The following GALNT18 variants were observed in gnomAD, a reference collection of about 807,000 sequenced individuals.
GALNT18 encodes GalNAc-transferase 18.
A neutral mutation model predicts 69.5 loss-of-function variants in GALNT18; 44 were observed. The observed-to-expected ratio is 0.63, with a 90% confidence interval of 0.50 to 0.81. The LOEUF is 0.81. Among genes scored for constraint, GALNT18 ranks in the 40% least tolerant of loss-of-function variants. GALNT18 has a pLI of 0.00. For synonymous variants in GALNT18, 364 were observed against 318.2 expected (o/e 1.14, Z -1.53); for missense variants, 715 against 810.0 (o/e 0.88, Z 1.42).
At chr11:11,594,688 T>C (rs570722707) in intron 1 of GALNT18, among the ~76,000 whole-genome samples, 2 of 152,106 alleles carry the variant, frequency 1.3e-5, no homozygotes, top group South Asian at 2.1e-4. Flanking sequence ...AGATATACCA[T>C]ATTTGTTTAT....
intron 1 of GALNT18, among the ~76,000 whole-genome samples, chr11:11,520,823 C>T (rs1857379728): frequency 6.6e-6 from 1 of 152,192 alleles, no homozygotes; most frequent in Non-Finnish European, 1.5e-5. Flanking sequence ...GGGCGTGGGC[C>T]AGGCAAGGCA....
intron 6 of GALNT18, among the ~76,000 whole-genome samples, chr11:11,364,652 T>A (rs4910327): frequency 0.24 from 36,001 of 152,048 alleles, 4,889 homozygotes; most frequent in Middle Eastern, 0.32. Context: ...AAATTGTATA[T>A]CAAAACAAAA....
At chr11:11,399,484 A>G (rs571234307) in intron 3 of GALNT18, among the ~76,000 whole-genome samples, 2 of 152,340 alleles carry the variant, frequency 1.3e-5, no homozygotes, top group East Asian at 3.9e-4. Flanking sequence ...TTATCAGAAC[A>G]AGTCAATAAA....
intron 1 of GALNT18, among the ~76,000 whole-genome samples, chr11:11,488,652 C>G (rs1407555249): frequency 6.6e-6 from 1 of 152,086 alleles, no homozygotes; most frequent in East Asian, 1.9e-4. Flanking sequence ...GTATTTGGTT[C>G]CAAATCCTTG....
rs77103651 is a variant in GALNT18 at position 11,456,105 on chromosome 11, G to A, written c.236-7169C>T. ...AACAAAAGAAACAAACCACAGAGTG[G>A]CAAAGTGCATTATTTGGGGTCCAAC... On this transcript the variant is annotated intron_variant, in intron 1 of 10. Transcript: ENST00000227756. Among the ~76,000 whole-genome samples the A allele has an allele frequency of 6.4e-3, 978 of 152,104 alleles. 14 individuals carry two copies. The highest frequency in any genetic ancestry group is 0.023 in the African/African-American group (938 of 41,408).
rs149151114 is a variant in GALNT18 at position 11,621,266 on chromosome 11, G to A, written c.235+93C>T. 5.8e-3 allele frequency: 5,914 copies of A among 1,025,092 alleles called. 29 individuals are homozygous for A. Among genetic ancestry groups the A allele is most frequent in the Non-Finnish European group, 7.1e-3 (4,849 of 682,426 alleles). 63.5% of individuals were successfully genotyped at this position (1,025,092 alleles called of 1,614,324 possible). Reference sequence around the variant, plus strand: ...TCTGCGGCCCCAGAGCCCCGCCGTGGCTGAGTTGATGCGCACCAGCCCCAG... The same window carrying A: ...TCTGCGGCCCCAGAGCCCCGCCGTGACTGAGTTGATGCGCACCAGCCCCAG... On this transcript the variant is annotated intron_variant, in intron 1 of 10. Transcript: ENST00000227756. The surrounding 1 kb of genome is among the most constrained non-coding windows in gnomAD (Gnocchi z 9.3).
rs1242852483 is a variant in GALNT18, at chr11:11,341,434, G to T, written c.1093-430C>A. ...CCCAGCAGAGACTTCCTCTTCAAAT[G>T]GACCACATGGGCCTGGACAAGAATT... On this transcript the variant is annotated intron_variant, in intron 6 of 10. Transcript: ENST00000227756. The surrounding 1 kb of genome is among the most constrained non-coding windows in gnomAD (Gnocchi z 6.3). Among the ~76,000 whole-genome samples, 1 of 152,076 alleles carries T rather than the reference G, an allele frequency of 6.6e-6. No individual in the cohort carries two copies. Among genetic ancestry groups the T allele is most frequent in the African/African-American group, 2.4e-5 (1 of 41,410 alleles).
chr11:11,283,744 AAC>A (rs1303361110), intron 10 of GALNT18, among the ~76,000 whole-genome samples: 3 of 152,298 alleles, frequency 2.0e-5, no homozygotes, highest in Non-Finnish European at 2.9e-5. Flanking sequence ...ATAATCTGGA[AAC>A]ACACAATACT....
chr11:11,284,848 T>A (rs1417442915), intron 10 of GALNT18, among the ~76,000 whole-genome samples: 3 of 150,294 alleles, frequency 2.0e-5, no homozygotes, highest in African/African-American at 7.4e-5. Context: ...TTTGGTAGAG[T>A]TAAGTGGTCT....
rs2133005421 is a variant in GALNT18, at chr11:11,293,115, G to A, written c.1591C>T (p.Leu531=). 3 of 1,374,862 alleles carry A rather than the reference G, an allele frequency of 2.2e-6. No individual in the cohort carries two copies. The highest frequency in any genetic ancestry group is 1.9e-6 in the Non-Finnish European group (2 of 1,054,548). 85.2% of individuals were successfully genotyped at this position (1,374,862 alleles called of 1,614,324 possible). ...PTVDDDDNRC[L]VDVNSRPRLI... ...CGGGGCCGGCTGTTGACGTCCACCAGGCATCGGTTGTCATCATCATCCACG... is the reference window on the plus strand; with the variant it reads ...CGGGGCCGGCTGTTGACGTCCACCAAGCATCGGTTGTCATCATCATCCACG... Residue 531 remains leucine, a synonymous_variant, in exon 10 of 11, where the codon CTG becomes TTG. Coordinates refer to ENST00000227756, the MANE Select transcript of GALNT18 (RefSeq NM_198516.3).
rs182817068 is a variant in GALNT18, at chr11:11,500,970, C to T, written c.236-52034G>A. 6.6e-6 allele frequency among the ~76,000 whole-genome samples: 1 copy of T among 152,314 alleles called. No individual in the cohort carries two copies. Among genetic ancestry groups the T allele is most frequent in the Non-Finnish European group, 1.5e-5 (1 of 68,032 alleles). On this transcript the variant is annotated intron_variant, in intron 1 of 10. Transcript: ENST00000227756. This position sits in a 1 kb window ranked among gnomAD's most constrained non-coding sequence, Gnocchi z 5.0. ...TAGCACAGGGGCCTTGGGGCAACAC[C>T]TGTCGCAGACTGGAAACTGGGCAGA...
At chr11:11,301,949 C>T (rs1010869627) in intron 9 of GALNT18, among the ~76,000 whole-genome samples, 1 of 152,142 alleles carries the variant, frequency 6.6e-6, no homozygotes, top group Non-Finnish European at 1.5e-5. Flanking sequence ...ACAGTCTCTA[C>T]CTGGGGCTGT....
Position 11,496,155 on chromosome 11 carries a change from T to C in GALNT18, c.236-47219A>G, listed in dbSNP as rs1325481482. On this transcript the variant is annotated intron_variant, in intron 1 of 10. Coordinates refer to ENST00000227756, the MANE Select transcript of GALNT18 (RefSeq NM_198516.3). The surrounding 1 kb of genome is among the most constrained non-coding windows in gnomAD (Gnocchi z 4.0). The stretch of plus-strand genomic sequence containing the variant: ...GAATGAATGAATGAATGAACAAATA[T>C]GGAGAAAGCGTCTCTTGCAAACACT... 6.6e-6 allele frequency among the ~76,000 whole-genome samples: 1 copy of C among 152,186 alleles called. No homozygotes were observed. Among genetic ancestry groups the C allele is most frequent in the East Asian group, 1.9e-4 (1 of 5,200 alleles).
chr11:11,398,063 T>A (rs1047964363), intron 3 of GALNT18, among the ~76,000 whole-genome samples: 4 of 152,240 alleles, frequency 2.6e-5, no homozygotes, highest in Non-Finnish European at 4.4e-5. Flanking sequence ...CCACACATTA[T>A]AGGCATTATT....
intron 3 of GALNT18, among the ~76,000 whole-genome samples, chr11:11,424,449 T>A (rs1855081034): frequency 6.6e-6 from 1 of 152,216 alleles, no homozygotes; most frequent in Admixed American, 6.5e-5. Flanking sequence ...TTAGACCCTC[T>A]GAGACTTAGC....
At chr11:11,333,060 C>T (rs887588988) in intron 7 of GALNT18, among the ~76,000 whole-genome samples, 1 of 141,380 alleles carries the variant, frequency 7.1e-6, no homozygotes, top group Non-Finnish European at 1.5e-5. Flanking sequence ...CATCAAGGGC[C>T]ATTGAAAAAA....
chr11:11,513,874 A>G (rs1420868433), intron 1 of GALNT18, among the ~76,000 whole-genome samples: 1 of 152,188 alleles, frequency 6.6e-6, no homozygotes, highest in Non-Finnish European at 1.5e-5. Context: ...AGGCAGCTAC[A>G]GGGAACTCAC....
chr11:11,523,160 T>C lies in GALNT18; in HGVS notation c.236-74224A>G, dbSNP rs927222507. Among the ~76,000 whole-genome samples, 1 of 152,228 alleles carries C rather than the reference T, an allele frequency of 6.6e-6. No homozygotes were observed. The highest frequency in any genetic ancestry group is 2.4e-5 in the African/African-American group (1 of 41,472). Reference sequence around the variant, plus strand: ...CAGTGCTATTTTGAGCCAGGAGGTCTGCCTTCCAGTTTTGCCACCCACAGA... The same window carrying C: ...CAGTGCTATTTTGAGCCAGGAGGTCCGCCTTCCAGTTTTGCCACCCACAGA... On this transcript the variant is annotated intron_variant, in intron 1 of 10. Coordinates refer to ENST00000227756, the MANE Select transcript of GALNT18 (RefSeq NM_198516.3). This position sits in a 1 kb window ranked among gnomAD's most constrained non-coding sequence, Gnocchi z 4.3.
chr11:11,594,666 A>G (rs1199216864), intron 1 of GALNT18, among the ~76,000 whole-genome samples: 1 of 152,106 alleles, frequency 6.6e-6, no homozygotes, highest in Admixed American at 6.5e-5. Context: ...CTGAATAAAT[A>G]TATCATTCCA....
Sources: allele counts gnomAD v4.1 joint callset (sites outside exome capture counted in the v4.1 genomes callset), GRCh38; gene constraint gnomAD v4.1.1; non-coding constraint Gnocchi (gnomAD v3.1); transcripts MANE v1.5; gene names NCBI Gene and HGNC (gene_info 2026-07-23, HGNC 2026-07-21).